Variants in KLHL29 observed in about 807,000 individuals in gnomAD.
KLHL29 encodes kelch-like protein 29.
A neutral mutation model predicts 80.4 loss-of-function variants in KLHL29; 21 were observed. The observed-to-expected ratio is 0.26, with a 90% CI of 0.19 to 0.38. The LOEUF (loss-of-function observed/expected upper bound fraction) is 0.38. KLHL29 is among the 10% of genes least tolerant of loss of function. The pLI, the probability that KLHL29 is intolerant of heterozygous loss-of-function variation, is 1.00. For synonymous variants in KLHL29, 511 were observed against 526.8 expected, an observed-to-expected ratio of 0.97 and a Z score of 0.41; for missense variants, 867 against 1,223.9, an observed-to-expected ratio of 0.71 and a Z score of 4.35.
intron 2 of KLHL29, among the ~76,000 whole-genome samples, chr2:23,511,458 T>G (rs2103462383): frequency 6.6e-6 from 1 of 152,090 alleles, no homozygotes; most frequent in Middle Eastern, 3.4e-3. Context: ...GGAAGATGGG[T>G]CCCCATGGAG....
At chr2:23,624,355 G>T (rs1225465777) in intron 3 of KLHL29, among the ~76,000 whole-genome samples, 1 of 152,164 alleles carries the variant, frequency 6.6e-6, no homozygotes, top group African/African-American at 2.4e-5. Flanking sequence ...CAGGGCTTCA[G>T]CTGCCTTCTT....
rs1012078167 is a variant in KLHL29 at position 23,684,065 on chromosome 2, T to G, written c.941-334T>G. Among the ~76,000 whole-genome samples the G allele has an allele frequency of 1.3e-5, 2 of 152,246 alleles. No homozygotes were observed. Among genetic ancestry groups the G allele is most frequent in the African/African-American group, 4.8e-5 (2 of 41,464 alleles). ...AGTTATTTGACAGTTTTTAGTTGTC[T>G]GTGATAATGTATTCTCTATGTTTCC... On this transcript the variant is annotated intron_variant, in intron 5 of 13. Transcript: ENST00000486442. This position sits in a 1 kb window ranked among gnomAD's most constrained non-coding sequence, Gnocchi z 4.4.
At chr2:23,440,055 C>A (rs896646586) in intron 1 of KLHL29, among the ~76,000 whole-genome samples, 10 of 151,660 alleles carry the variant, frequency 6.6e-5, no homozygotes, top group Non-Finnish European at 1.0e-4. Context: ...GATCCCTTTA[C>A]CATTATGTAA....
At chr2:23,632,541 C>G (rs998588531) in intron 3 of KLHL29, among the ~76,000 whole-genome samples, 1 of 152,270 alleles carries the variant, frequency 6.6e-6, no homozygotes, top group Admixed American at 6.5e-5. Context: ...CAATGGCCTG[C>G]CCAGTGATGC....
intron 5 of KLHL29, among the ~76,000 whole-genome samples, chr2:23,658,572 G>A (rs943268043): frequency 3.9e-5 from 6 of 152,206 alleles, no homozygotes; most frequent in African/African-American, 1.4e-4. Flanking sequence ...GCAGTCTGGA[G>A]GGGAAGGGGA....
chr2:23,706,758 A>G lies in KLHL29; in HGVS notation c.*94A>G. On this transcript the variant is annotated 3_prime_UTR_variant, in exon 14 of 14. Coordinates refer to ENST00000486442, the MANE Select transcript of KLHL29 (RefSeq NM_052920.2). Reference sequence around the variant, plus strand: ...TTCCAGCGACACCAACAAGAGGCCAACAAAACACAATCAAGGAACTCACTG... The same window carrying G: ...TTCCAGCGACACCAACAAGAGGCCAGCAAAACACAATCAAGGAACTCACTG... 2 of 850,880 alleles carry G rather than the reference A, an allele frequency of 2.4e-6. No individual in the cohort carries two copies. Among genetic ancestry groups the G allele is most frequent in the Non-Finnish European group, 3.5e-6 (2 of 579,544 alleles). 52.7% of individuals were successfully genotyped at this position (850,880 alleles called of 1,614,324 possible).
At position 23,708,053 on chromosome 2, in the gene KLHL29, A is replaced by G. The variant is rs1450218461; in HGVS notation, c.*1389A>G. On this transcript the variant is annotated 3_prime_UTR_variant, in exon 14 of 14. Coordinates refer to ENST00000486442, the MANE Select transcript of KLHL29 (RefSeq NM_052920.2). The stretch of plus-strand genomic sequence containing the variant: ...TACCAAATACACATTTACCACTTTT[A>G]TATCTGGGAAGTCAACTTGCCATCG... 2 of 152,184 alleles carry G rather than the reference A, an allele frequency of 1.3e-5. No individual in the cohort carries two copies. Among genetic ancestry groups the G allele is most frequent in the South Asian group, 2.1e-4 (1 of 4,832 alleles). 9.4% of individuals were successfully genotyped at this position (152,184 alleles called of 1,614,324 possible). A position where few individuals can be genotyped will look rare whatever the true frequency, so the allele number is the denominator to read the frequency against.
At chr2:23,533,271 C>T (rs1348513154) in intron 2 of KLHL29, among the ~76,000 whole-genome samples, 1 of 152,148 alleles carries the variant, frequency 6.6e-6, no homozygotes, top group Non-Finnish European at 1.5e-5. Flanking sequence ...TGCTTGTGGG[C>T]TAGTCCTAGG....
chr2:23,388,063 A>G (rs555304843), intron 1 of KLHL29, among the ~76,000 whole-genome samples: 1 of 152,206 alleles, frequency 6.6e-6, no homozygotes, highest in African/African-American at 2.4e-5. Context: ...AAAATATCCT[A>G]TGGTAGCCAT....
intron 2 of KLHL29, among the ~76,000 whole-genome samples, chr2:23,492,888 T>C (rs564979032): frequency 1.3e-5 from 2 of 152,256 alleles, no homozygotes; most frequent in African/African-American, 4.8e-5. Flanking sequence ...GATACTACGA[T>C]GCAGCCCACA....
intron 1 of KLHL29, among the ~76,000 whole-genome samples, chr2:23,473,803 C>A (rs993032295): frequency 1.3e-5 from 2 of 152,160 alleles, no homozygotes; most frequent in African/African-American, 2.4e-5. Context: ...TCAGGATGCT[C>A]ACCACTCTGG....
At chr2:23,429,527 C>T (rs768651368) in intron 1 of KLHL29, among the ~76,000 whole-genome samples, 49 of 152,086 alleles carry the variant, frequency 3.2e-4, no homozygotes, top group Admixed American at 2.6e-4. Context: ...CCGAGGTGGG[C>T]GGATTACCTG....
At chr2:23,566,239 C>T (rs182254183) in intron 3 of KLHL29, among the ~76,000 whole-genome samples, 26 of 152,330 alleles carry the variant, frequency 1.7e-4, no homozygotes, top group Middle Eastern at 6.8e-3. Context: ...CCCAGCCCCG[C>T]AACACACACT....
At chr2:23,556,654 A>G (rs1409526028) in intron 2 of KLHL29, among the ~76,000 whole-genome samples, 1 of 149,414 alleles carries the variant, frequency 6.7e-6, no homozygotes, top group East Asian at 1.9e-4. Flanking sequence ...CTCCATCTCA[A>G]AAAAAAAAAA....
At chr2:23,395,865 T>C (rs559874615) in intron 1 of KLHL29, among the ~76,000 whole-genome samples, 1 of 152,292 alleles carries the variant, frequency 6.6e-6, no homozygotes, top group East Asian at 1.9e-4. Flanking sequence ...TCTTGGACTC[T>C]CATGGTGAGT....
chr2:23,519,641 C>T (rs2103468572), intron 2 of KLHL29, among the ~76,000 whole-genome samples: 1 of 152,142 alleles, frequency 6.6e-6, no homozygotes, highest in Non-Finnish European at 1.5e-5. Flanking sequence ...TGAGGACTCG[C>T]CTGTGACACA....
intron 6 of KLHL29, chr2:23,690,026 T>G (rs931389086): frequency 1.3e-5 from 2 of 152,166 alleles, no homozygotes; most frequent in African/African-American, 4.8e-5. Context: ...GGGGTCCTGG[T>G]GGGATGAGCC....
chr2:23,456,932 AG>A (rs1446964196), intron 1 of KLHL29, among the ~76,000 whole-genome samples: 1 of 152,102 alleles, frequency 6.6e-6, no homozygotes, highest in Non-Finnish European at 1.5e-5. Context: ...GGGAGAAAAA[AG>A]GTGGTAGGGT....
chr2:23,612,121 C>G (rs1030902884), intron 3 of KLHL29, among the ~76,000 whole-genome samples: 2 of 152,066 alleles, frequency 1.3e-5, no homozygotes, highest in Non-Finnish European at 2.9e-5. Context: ...TGAAAGATAT[C>G]AAGTCATAGA....
Sources: gnomAD v4.1 joint callset for allele counts (sites outside exome capture counted in the v4.1 genomes callset) on GRCh38, gnomAD v4.1.1 for gene constraint, Gnocchi (gnomAD v3.1) non-coding constraint, MANE v1.5 for transcripts, NCBI Gene and HGNC (gene_info 2026-07-23, HGNC 2026-07-21) for gene names.